The following VAMP7 variants were observed in gnomAD, a reference collection of about 807,000 sequenced individuals.
The protein encoded by VAMP7 is vesicle-associated membrane protein 7.
Under a neutral mutation model 29.6 loss-of-function variants are expected in VAMP7, and 14 were observed. That is an observed-to-expected ratio of 0.47 (90% CI 0.31 to 0.74). The LOEUF is 0.74. Ranked by LOEUF, VAMP7 falls within the 30% of genes least tolerant of loss-of-function variation. VAMP7 has a pLI of 0.05. For synonymous variants in VAMP7, 95 were observed against 88.1 expected (o/e 1.08, Z -0.44); for missense variants, 223 against 262.4 (o/e 0.85, Z 1.04).
At chrX:155,933,977 C>T (rs1045878744) in intron 6 of VAMP7, among the ~76,000 whole-genome samples, 1 of 152,146 alleles carries the variant, frequency 6.6e-6, no homozygotes, top group Non-Finnish European at 1.5e-5. Context: ...CATTCAGGAG[C>T]AGGTTGTTCA....
At chrX:155,912,797 T>A (rs1419348863) in intron 5 of VAMP7, among the ~76,000 whole-genome samples, 3 of 152,210 alleles carry the variant, frequency 2.0e-5, no homozygotes, top group Non-Finnish European at 4.4e-5. Context: ...TCTTTGCTAT[T>A]GTGAACAGTG....
intron 2 of VAMP7, among the ~76,000 whole-genome samples, chrX:155,892,206 T>C (rs190786459): frequency 2.6e-5 from 4 of 152,294 alleles, no homozygotes; most frequent in Non-Finnish European, 4.4e-5. Flanking sequence ...TGGTACCTTT[T>C]TTTCATGCTT....
At chrX:155,896,499 T>G (rs1428406352) in intron 3 of VAMP7, among the ~76,000 whole-genome samples, 1 of 152,174 alleles carries the variant, frequency 6.6e-6, no homozygotes, top group Non-Finnish European at 1.5e-5. Context: ...CAGCCCAAAA[T>G]TCTCAGTAAC....
intron 6 of VAMP7, among the ~76,000 whole-genome samples, chrX:155,921,067 TA>T (rs2066388795): frequency 6.6e-6 from 1 of 152,180 alleles, no homozygotes; most frequent in Admixed American, 6.5e-5. Flanking sequence ...ATTTCTTTGA[TA>T]CTTCCAGGCT....
chrX:155,929,166 A>G (rs903848096), intron 6 of VAMP7, among the ~76,000 whole-genome samples: 6 of 152,176 alleles, frequency 3.9e-5, no homozygotes, highest in Non-Finnish European at 8.8e-5. Context: ...AAGTTCAACA[A>G]CTATACAGTT....
At chrX:155,888,737 G>A (rs1188604181) in intron 1 of VAMP7, among the ~76,000 whole-genome samples, 3 of 152,090 alleles carry the variant, frequency 2.0e-5, no homozygotes, top group African/African-American at 7.2e-5. Flanking sequence ...TTTCTGTTAT[G>A]GATAATGCCT....
chrX:155,939,509 C>G (rs189485147), intron 6 of VAMP7, among the ~76,000 whole-genome samples, 192 bp from the exon 7 acceptor site: 123 of 152,250 alleles, frequency 8.1e-4, no homozygotes, highest in African/African-American at 2.7e-3. Flanking sequence ...TCATTGGGCT[C>G]ATACTGCTTA....
At chrX:155,931,079 A>G (rs1441372532) in intron 6 of VAMP7, among the ~76,000 whole-genome samples, 1 of 152,130 alleles carries the variant, frequency 6.6e-6, no homozygotes, top group Admixed American at 6.5e-5. Flanking sequence ...CATAGTGTAT[A>G]CGTGCCACAT....
chrX:155,933,312 G>T lies in VAMP7; in HGVS notation c.502-6389G>T, dbSNP rs780369141. Among the ~76,000 whole-genome samples the T allele has an allele frequency of 1.0e-3, 152 of 152,208 alleles. 1 individual carries two copies. Among genetic ancestry groups the T allele is most frequent in the East Asian group, 9.4e-3 (49 of 5,186 alleles). ...CCTCCTTGTACCTCTGGTAGAATTC[G>T]GCTGTGAATCCATCTGGTCCTGGAC... On this transcript the variant is annotated intron_variant, in intron 6 of 7. Coordinates refer to ENST00000286448, the MANE Select transcript of VAMP7 (RefSeq NM_005638.6).
intron 6 of VAMP7, among the ~76,000 whole-genome samples, chrX:155,931,822 A>G (rs773685362): frequency 0.013 from 1,992 of 152,208 alleles, 32 homozygotes; most frequent in African/African-American, 0.045. Flanking sequence ...GTTTTCTTCT[A>G]GGGTTTTTAT....
intron 6 of VAMP7, among the ~76,000 whole-genome samples, chrX:155,924,974 T>C (rs1444486335): frequency 1.3e-5 from 2 of 152,210 alleles, no homozygotes; most frequent in Non-Finnish European, 2.9e-5. Flanking sequence ...ATAGTTGCCA[T>C]CTCAAGAAAC....
At chrX:155,933,860 C>A (rs1330462114) in intron 6 of VAMP7, among the ~76,000 whole-genome samples, 2 of 152,286 alleles carry the variant, frequency 1.3e-5, no homozygotes, top group East Asian at 3.9e-4. Context: ...TCCCTCTACA[C>A]ACTGCTTTAA....
chrX:155,882,649 T>C (rs369379491), intron 1 of VAMP7, among the ~76,000 whole-genome samples: 1 of 152,236 alleles, frequency 6.6e-6, no homozygotes. Context: ...ATTGGATTAC[T>C]ATTAGCTCAA....
At chrX:155,928,603 G>A (rs755758583) in intron 6 of VAMP7, among the ~76,000 whole-genome samples, 1 of 152,194 alleles carries the variant, frequency 6.6e-6, no homozygotes, top group African/African-American at 2.4e-5. Context: ...AGACATTTGT[G>A]ATGTCATTTA....
intron 6 of VAMP7, among the ~76,000 whole-genome samples, chrX:155,936,143 G>C (rs767498956): frequency 1.3e-3 from 202 of 152,268 alleles, no homozygotes; most frequent in African/African-American, 4.6e-3. Flanking sequence ...CTGCTTGGGG[G>C]TCAGGGACCC....
chrX:155,895,238 GTT>G (rs1005554049), intron 2 of VAMP7, among the ~76,000 whole-genome samples: 1 of 152,144 alleles, frequency 6.6e-6, no homozygotes, highest in Admixed American at 6.5e-5. Flanking sequence ...TAGAAAAGAT[GTT>G]TGCTTTAAGA....
intron 5 of VAMP7, among the ~76,000 whole-genome samples, chrX:155,902,300 C>G (rs1459576063): frequency 1.3e-5 from 2 of 151,920 alleles, no homozygotes; most frequent in Non-Finnish European, 2.9e-5. Flanking sequence ...GATATACAAT[C>G]ATGTCATCTG....
At position 155,886,401 on chromosome X, in the gene VAMP7, G is replaced by C. The variant is rs185166618; in HGVS notation, c.-9-3057G>C. On this transcript the variant is annotated intron_variant, in intron 1 of 7. Transcript: ENST00000286448. ...CTGGAAGGAAAGTAAAGTTTCTGTT[G>C]CTATGTACCCACTGTTTAACAGTCA... is the stretch of plus-strand genomic sequence containing the variant. Among the ~76,000 whole-genome samples, 26 of 152,242 alleles carry C rather than the reference G, an allele frequency of 1.7e-4. No individual in the cohort carries two copies. In the East Asian group the frequency reaches 4.8e-3, roughly 28 times the overall value.
At chrX:155,928,664 A>T (rs369937582) in intron 6 of VAMP7, among the ~76,000 whole-genome samples, 2 of 152,208 alleles carry the variant, frequency 1.3e-5, no homozygotes, top group African/African-American at 2.4e-5. Context: ...GATTCTTGAC[A>T]TAATCACATC....
Sources: gnomAD v4.1 joint callset for allele counts (sites outside exome capture counted in the v4.1 genomes callset) on GRCh38, gnomAD v4.1.1 for gene constraint, MANE v1.5 for transcripts, NCBI Gene and HGNC (gene_info 2026-07-23, HGNC 2026-07-21) for gene names.